Variants in RALYL observed in about 807,000 individuals in gnomAD.
RALYL encodes RALY RNA binding protein like.
RALYL carries 29 observed loss-of-function variants against 35.1 expected under a neutral mutation model. That is an observed-to-expected ratio of 0.83 (90% CI 0.61 to 1.13). The LOEUF (loss-of-function observed/expected upper bound fraction) is 1.13. RALYL is among the 50% of genes most tolerant of loss of function. The probability of loss-of-function intolerance (pLI) is 0.00; values close to 1 mark genes in which losing one functional copy is unlikely to be tolerated. For missense variants in RALYL, 359 were observed against 360.4 expected, an observed-to-expected ratio of 1.00 and a Z score of 0.03; for synonymous variants, 120 against 127.6, an observed-to-expected ratio of 0.94 and a Z score of 0.40.
intron 1 of RALYL, among the ~76,000 whole-genome samples, chr8:84,424,672 T>C (rs2046125707): frequency 6.6e-6 from 1 of 151,916 alleles, no homozygotes; most frequent in African/African-American, 2.4e-5. Context: ...TTTCCCCATC[T>C]TTGTGGTTTT....
At chr8:84,912,006 A>T (rs1018144484) in intron 8 of RALYL, among the ~76,000 whole-genome samples, 3 of 152,042 alleles carry the variant, frequency 2.0e-5, no homozygotes, top group African/African-American at 7.2e-5. Context: ...ATTAAATTTC[A>T]TGTTCAAGAG....
chr8:84,720,128 C>T (rs900337884), intron 2 of RALYL, among the ~76,000 whole-genome samples: 5 of 152,026 alleles, frequency 3.3e-5, no homozygotes, highest in Admixed American at 6.6e-5. Context: ...ATTCCAGTGA[C>T]ATACTGTGTT....
At chr8:84,567,426 T>C (rs1240557276) in intron 2 of RALYL, among the ~76,000 whole-genome samples, 5 of 151,818 alleles carry the variant, frequency 3.3e-5, no homozygotes, top group Admixed American at 3.3e-4. Context: ...TGTGTGGCCA[T>C]TGTTTAGCTC....
At chr8:84,318,172 G>T (rs1032262472) in intron 1 of RALYL, among the ~76,000 whole-genome samples, 1 of 151,836 alleles carries the variant, frequency 6.6e-6, no homozygotes, top group Non-Finnish European at 1.5e-5. Flanking sequence ...GAACTTCAGC[G>T]TGGCAACAGT....
intron 2 of RALYL, among the ~76,000 whole-genome samples, chr8:84,687,757 T>C (rs1179829881): frequency 6.6e-6 from 1 of 151,928 alleles, no homozygotes; most frequent in Non-Finnish European, 1.5e-5. Context: ...AATTCTGTAA[T>C]TTTTTTTGTT....
At chr8:84,583,027 A>G (rs945005257) in intron 2 of RALYL, among the ~76,000 whole-genome samples, 1 of 152,144 alleles carries the variant, frequency 6.6e-6, no homozygotes, top group Non-Finnish European at 1.5e-5. Flanking sequence ...ATACACTAAG[A>G]TAGAGCTGCC....
At chr8:84,196,387 G>A (rs761107395) in intron 1 of RALYL, among the ~76,000 whole-genome samples, 29 of 152,110 alleles carry the variant, frequency 1.9e-4, no homozygotes, top group Non-Finnish European at 4.1e-4. Context: ...ATGCAAGCCA[G>A]CCACATATGT....
At chr8:84,376,823 G>T (rs1483863958) in intron 1 of RALYL, among the ~76,000 whole-genome samples, 1 of 151,778 alleles carries the variant, frequency 6.6e-6, no homozygotes, top group Non-Finnish European at 1.5e-5. Flanking sequence ...GCTGGATTCT[G>T]CAGTTCCACA....
intron 3 of RALYL, among the ~76,000 whole-genome samples, chr8:84,797,325 C>T (rs1428376850): frequency 6.6e-6 from 1 of 152,200 alleles, no homozygotes; most frequent in Non-Finnish European, 1.5e-5. Context: ...TAAACTTCAA[C>T]GTGAGTTTTA....
chr8:84,551,140 G>A (rs2060694289), intron 2 of RALYL, among the ~76,000 whole-genome samples: 1 of 151,250 alleles, frequency 6.6e-6, no homozygotes, highest in East Asian at 1.9e-4. Flanking sequence ...TTATTACATT[G>A]TAATTTTCTG....
chr8:84,714,907 A>C (rs1382505887), intron 2 of RALYL, among the ~76,000 whole-genome samples: 1 of 151,906 alleles, frequency 6.6e-6, no homozygotes, highest in Non-Finnish European at 1.5e-5. Context: ...AAAAATATCT[A>C]ATTACATTAG....
chr8:84,838,827 G>A (rs1484060533), intron 4 of RALYL, among the ~76,000 whole-genome samples: 3 of 152,220 alleles, frequency 2.0e-5, no homozygotes, highest in Admixed American at 2.0e-4. Flanking sequence ...GAAGGTATAA[G>A]ACACATAAGT....
At chr8:84,635,748 A>G (rs1303190041) in intron 2 of RALYL, among the ~76,000 whole-genome samples, 4 of 151,762 alleles carry the variant, frequency 2.6e-5, no homozygotes, top group African/African-American at 7.2e-5. Context: ...CTTATGTAAC[A>G]TACGGCTCTT....
chr8:84,339,046 C>T (rs562361967), intron 1 of RALYL, among the ~76,000 whole-genome samples: 69 of 152,128 alleles, frequency 4.5e-4, no homozygotes, highest in African/African-American at 1.5e-3. Flanking sequence ...GTCAGGGTGG[C>T]GCAGACATGA....
intron 1 of RALYL, among the ~76,000 whole-genome samples, chr8:84,205,910 G>A (rs887376151): frequency 3.3e-5 from 5 of 152,094 alleles, no homozygotes; most frequent in African/African-American, 1.2e-4. Context: ...ATTCTTCTGA[G>A]GCCTGTCTCC....
chr8:84,238,641 G>T (rs1438397004), intron 1 of RALYL, among the ~76,000 whole-genome samples: 2 of 152,130 alleles, frequency 1.3e-5, no homozygotes, highest in Non-Finnish European at 2.9e-5. Context: ...GACTGAGCTT[G>T]GCAGAGAAGC....
At chr8:84,450,545 C>T (rs548439571) in intron 1 of RALYL, among the ~76,000 whole-genome samples, 13 of 151,684 alleles carry the variant, frequency 8.6e-5, no homozygotes, top group Non-Finnish European at 1.5e-4. Flanking sequence ...TTTATGGCTG[C>T]GGCACAAACT....
At chr8:84,535,636 TTTTA>T (rs2059555668) in intron 2 of RALYL, among the ~76,000 whole-genome samples, 1 of 150,958 alleles carries the variant, frequency 6.6e-6, no homozygotes, top group Non-Finnish European at 1.5e-5. Flanking sequence ...TTTTATTTTA[TTTTA>T]TTTTTTGTAT....
At chr8:84,318,243 TG>T (rs1844142402) in intron 1 of RALYL, among the ~76,000 whole-genome samples, 1 of 152,206 alleles carries the variant, frequency 6.6e-6, no homozygotes, top group African/African-American at 2.4e-5. Context: ...CCTGTGAGGC[TG>T]GGCCCTGCTT....
Sources: gnomAD v4.1 joint callset for allele counts (sites outside exome capture counted in the v4.1 genomes callset) on GRCh38, gnomAD v4.1.1 for gene constraint, MANE v1.5 for transcripts, NCBI Gene and HGNC (gene_info 2026-07-23, HGNC 2026-07-21) for gene names.